RBFOX1: variants seen among roughly 807,000 people sequenced by gnomAD.
The protein encoded by RBFOX1 is RNA binding protein fox-1 homolog 1.
Under a neutral mutation model 57.7 loss-of-function variants are expected in RBFOX1, and 8 were observed. That is an observed-to-expected ratio of 0.14 (90% CI 0.08 to 0.25). RBFOX1 has a LOEUF of 0.25. Ranked by LOEUF, RBFOX1 falls within the 10% of genes least tolerant of loss-of-function variation. The pLI is 1.00. For missense variants in RBFOX1, 611 were observed against 548.5 expected (o/e 1.11, Z -1.14); for synonymous variants, 326 against 222.4 (o/e 1.47, Z -4.15).
chr16:7,224,544 C>T (rs2092968165), intron 4 of RBFOX1, among the ~76,000 whole-genome samples: 1 of 152,090 alleles, frequency 6.6e-6, no homozygotes. Flanking sequence ...CTAGTAAAAT[C>T]AGAGGGAGGT....
At chr16:6,316,078 T>C (rs1040474274) in intron 1 of RBFOX1, among the ~76,000 whole-genome samples, 3 of 152,182 alleles carry the variant, frequency 2.0e-5, no homozygotes, top group Admixed American at 6.6e-5. Context: ...TTTATAAGAG[T>C]AATTCAATTA....
intron 3 of RBFOX1, among the ~76,000 whole-genome samples, chr16:6,830,481 T>A (rs981334154): frequency 1.4e-4 from 22 of 152,094 alleles, no homozygotes; most frequent in African/African-American, 4.8e-4. Flanking sequence ...GATAAAAGCA[T>A]CCTCTATGCC....
chr16:5,762,465 T>C (rs2053625560), intron 3 of RBFOX1, among the ~76,000 whole-genome samples: 1 of 152,154 alleles, frequency 6.6e-6, no homozygotes, highest in Non-Finnish European at 1.5e-5. Flanking sequence ...GAACAACCTT[T>C]TGTGGGGCAG....
chr16:7,615,654 G>C (rs2058318103), intron 10 of RBFOX1, among the ~76,000 whole-genome samples: 1 of 152,032 alleles, frequency 6.6e-6, no homozygotes, highest in African/African-American at 2.4e-5. Flanking sequence ...AATATGGAGT[G>C]ACCTTTCTCT....
At chr16:5,379,710 G>C (rs1047266601) in intron 1 of RBFOX1, among the ~76,000 whole-genome samples, 11 of 152,136 alleles carry the variant, frequency 7.2e-5, no homozygotes, top group Admixed American at 6.5e-4. Context: ...GGAGGACCCT[G>C]GGGGTCTCAG....
chr16:7,164,808 T>G (rs1455716253), intron 4 of RBFOX1, among the ~76,000 whole-genome samples: 1 of 152,164 alleles, frequency 6.6e-6, no homozygotes, highest in Non-Finnish European at 1.5e-5. Flanking sequence ...AACCTTTTGC[T>G]TTTAAAAACA....
intron 1 of RBFOX1, among the ~76,000 whole-genome samples, chr16:5,275,046 C>T (rs2063108605): frequency 6.6e-6 from 1 of 152,364 alleles, no homozygotes; most frequent in East Asian, 1.9e-4. Flanking sequence ...TTCTATGCTG[C>T]TCTTGCCTTC....
intron 2 of RBFOX1, among the ~76,000 whole-genome samples, chr16:5,504,774 C>T (rs1249621274): frequency 3.3e-5 from 5 of 152,148 alleles, no homozygotes; most frequent in African/African-American, 9.7e-5. Context: ...GAGGAGGATG[C>T]GGAGGCTTGG....
At chr16:7,263,346 C>T (rs187694270) in intron 4 of RBFOX1, among the ~76,000 whole-genome samples, 1 of 152,004 alleles carries the variant, frequency 6.6e-6, no homozygotes, top group Non-Finnish European at 1.5e-5. Flanking sequence ...TGAGAAGCCC[C>T]AGAATTTCGA....
chr16:5,503,477 C>T (rs957838889), intron 2 of RBFOX1, among the ~76,000 whole-genome samples: 1 of 152,224 alleles, frequency 6.6e-6, no homozygotes, highest in East Asian at 1.9e-4. Context: ...TGCTCTGTCG[C>T]CCAGGCTGGA....
chr16:7,687,936 C>T (rs949951460), intron 14 of RBFOX1, among the ~76,000 whole-genome samples: 2 of 151,980 alleles, frequency 1.3e-5, no homozygotes, highest in Admixed American at 6.6e-5. Flanking sequence ...TACATGGGAA[C>T]CACTCTCAAA....
At chr16:7,269,043 CAAAAAAAAAAAAAA>C (rs56297510) in intron 4 of RBFOX1, among the ~76,000 whole-genome samples, 46 of 52,300 alleles carry the variant, frequency 8.8e-4, no homozygotes, top group Admixed American at 4.6e-3. Context: ...TCTTCCATCT[CAAAAAAAAAAAAAA>C]AAAAAAAAAA....
At chr16:5,548,174 A>AATATATATATATAT (rs71142629) in intron 2 of RBFOX1, among the ~76,000 whole-genome samples, 15 of 33,572 alleles carry the variant, frequency 4.5e-4, no homozygotes, top group Non-Finnish European at 7.5e-4. Context: ...AAAAAAAAAA[A>AATATATATATATAT]ATATATATAT....
intron 2 of RBFOX1, among the ~76,000 whole-genome samples, chr16:6,510,791 T>G (rs2096240277): frequency 1.3e-5 from 2 of 151,940 alleles, no homozygotes; most frequent in South Asian, 2.1e-4. Context: ...TGCCAGTACC[T>G]GGCGGACTGC....
intron 1 of RBFOX1, among the ~76,000 whole-genome samples, chr16:6,164,709 C>T (rs1370302893): frequency 6.6e-6 from 1 of 151,952 alleles, no homozygotes; most frequent in Non-Finnish European, 1.5e-5. Context: ...AATTTCTGAC[C>T]TCTGGTGATC....
intron 3 of RBFOX1, among the ~76,000 whole-genome samples, chr16:6,966,161 C>T (rs557307149): frequency 4.6e-5 from 7 of 152,230 alleles, no homozygotes; most frequent in South Asian, 2.1e-4. Flanking sequence ...GAGACATTTA[C>T]GCTCTTGCCA....
At chr16:6,962,165 C>G (rs946141555) in intron 3 of RBFOX1, among the ~76,000 whole-genome samples, 1 of 152,142 alleles carries the variant, frequency 6.6e-6, no homozygotes, top group Non-Finnish European at 1.5e-5. Context: ...CTTTCTACTT[C>G]CAAATGCTCC....
At chr16:6,968,588 G>C (rs1469929525) in intron 3 of RBFOX1, among the ~76,000 whole-genome samples, 4 of 152,074 alleles carry the variant, frequency 2.6e-5, no homozygotes, top group African/African-American at 7.2e-5. Context: ...TGAAGGTGTA[G>C]ATGATGGATT....
At chr16:6,026,938 C>G (rs1044663304) in intron 1 of RBFOX1, among the ~76,000 whole-genome samples, 1 of 152,232 alleles carries the variant, frequency 6.6e-6, no homozygotes, top group Non-Finnish European at 1.5e-5. Context: ...ACTGCTCACT[C>G]CATCTAATCA....
Sources: allele counts gnomAD v4.1 joint callset (sites outside exome capture counted in the v4.1 genomes callset), GRCh38; gene constraint gnomAD v4.1.1; transcripts MANE v1.5; gene names NCBI Gene and HGNC (gene_info 2026-07-23, HGNC 2026-07-21).